Variants in DDR2 observed in about 807,000 individuals in gnomAD.
DDR2 encodes discoidin domain-containing receptor 2.
In DDR2, 27 loss-of-function variants were observed where a neutral mutation model predicts 94.9. The observed-to-expected ratio is 0.28, with a 90% CI of 0.21 to 0.39. DDR2 has a LOEUF of 0.39. DDR2 is among the 10% of genes least tolerant of loss of function. DDR2 has a pLI of 1.00. For missense variants in DDR2, 783 were observed against 1,076.0 expected, an observed-to-expected ratio of 0.73 and a Z score of 3.81; for synonymous variants, 382 against 377.2, an observed-to-expected ratio of 1.01 and a Z score of -0.15.
chr1:162,708,270 A>C (rs555023412), intron 2 of DDR2, among the ~76,000 whole-genome samples: 2 of 152,344 alleles, frequency 1.3e-5, no homozygotes, highest in African/African-American at 4.8e-5. Flanking sequence ...GTCTATTGGC[A>C]TCACACATGA....
chr1:162,644,018 G>GA (rs1406913794), intron 1 of DDR2, among the ~76,000 whole-genome samples: 1 of 152,108 alleles, frequency 6.6e-6, no homozygotes, highest in African/African-American at 2.4e-5. Flanking sequence ...TGATGCCTGT[G>GA]AAAACCCTGG....
intron 2 of DDR2, among the ~76,000 whole-genome samples, chr1:162,678,039 C>A (rs902285764): frequency 4.0e-5 from 6 of 151,840 alleles, no homozygotes; most frequent in Admixed American, 2.6e-4. Context: ...TTTGGTGAAA[C>A]CGAAAGTCAG....
Position 162,754,355 on chromosome 1 carries a change from T to G in DDR2, c.186-269T>G, listed in dbSNP as rs76245344. Among the ~76,000 whole-genome samples the G allele has an allele frequency of 9.6e-3, 1,455 of 152,298 alleles. 20 individuals carry two copies. Among genetic ancestry groups the G allele is most frequent in the African/African-American group, 0.033 (1,389 of 41,550 alleles). On this transcript the variant is annotated intron_variant, in intron 4 of 17. Coordinates refer to ENST00000367921, the MANE Select transcript of DDR2 (RefSeq NM_006182.4). The stretch of plus-strand genomic sequence containing the variant: ...GTAGGAAGAGTTTTATTTCTCTTTA[T>G]GCTTCTAAATCAGGATGGGAAGTGA...
intron 2 of DDR2, among the ~76,000 whole-genome samples, chr1:162,702,782 G>T (rs895245544): frequency 4.6e-5 from 7 of 152,140 alleles, no homozygotes; most frequent in Admixed American, 1.3e-4. Flanking sequence ...GAGAATATTT[G>T]GCTCATCCAA....
rs1558071485 is a variant in DDR2 at position 162,761,419 on chromosome 1, C to A, written c.1064C>A (p.Thr355Asn). 2 of 1,614,000 alleles carry A rather than the reference C, an allele frequency of 1.2e-6. No individual in the cohort carries two copies. Among genetic ancestry groups the A allele is most frequent in the African/African-American group, 1.3e-5 (1 of 74,902 alleles). Residue 355 changes from threonine to asparagine, a missense_variant, in exon 9 of 18, where the codon ACC (threonine) becomes AAC (asparagine). Physicochemically the swap from Thr to Asn is moderately conservative, Grantham distance 65. This residue lies in a region of DDR2 where 519 missense variants were observed against 647.9 expected (regional missense o/e 0.80). Transcript: ENST00000367921. ...AIKCQYHFAD[T>N]WMMFSEITFQ... ...AAGTGTCAATACCATTTTGCAGATACCTGGATGATGTTCAGTGAGATCACC... is the reference window on the plus strand; with the variant it reads ...AAGTGTCAATACCATTTTGCAGATAACTGGATGATGTTCAGTGAGATCACC...
At chr1:162,753,277 TG>T in intron 4 of DDR2, 80 bp downstream of exon 4, 1 of 1,294,484 alleles carries the variant, frequency 7.7e-7, no homozygotes. Context: ...CCCTAGGGGC[TG>T]GGGAAGGTGG....
chr1:162,667,591 A>T (rs142162732), intron 2 of DDR2, among the ~76,000 whole-genome samples: 1 of 152,322 alleles, frequency 6.6e-6, no homozygotes, highest in South Asian at 2.1e-4. Context: ...CATTTAAAGG[A>T]TATTATTTGG....
chr1:162,766,460 C>T (rs903627985), intron 10 of DDR2, among the ~76,000 whole-genome samples: 2 of 152,138 alleles, frequency 1.3e-5, no homozygotes, highest in Non-Finnish European at 2.9e-5. Context: ...TTGCTTTAGG[C>T]AGTCATTGGT....
intron 1 of DDR2, among the ~76,000 whole-genome samples, chr1:162,643,140 C>G (rs1490217838): frequency 1.3e-5 from 2 of 152,040 alleles, no homozygotes; most frequent in African/African-American, 4.8e-5. Flanking sequence ...GTTCACTTGC[C>G]TGTTTCATTT....
intron 1 of DDR2, among the ~76,000 whole-genome samples, chr1:162,642,280 T>C (rs533927757): frequency 2.8e-4 from 41 of 146,882 alleles, no homozygotes; most frequent in African/African-American, 1.0e-3. Flanking sequence ...TATCTATCTA[T>C]CTATTTTTTG....
Position 162,785,909 on chromosome 1 carries a change from A to T in DDR2, c.*5663A>T, listed in dbSNP as rs993809831. On this transcript the variant is annotated 3_prime_UTR_variant, in exon 18 of 18. Transcript: ENST00000367921. ...CTCCACAGGACACCGAATCAAAAGGAGAGACCAGACTCTGGCCTCATACCC... is the reference window on the plus strand; with the variant it reads ...CTCCACAGGACACCGAATCAAAAGGTGAGACCAGACTCTGGCCTCATACCC... The T allele has an allele frequency of 2.0e-5, 3 of 152,228 alleles. No individual in the cohort carries two copies. Among genetic ancestry groups the T allele is most frequent in the African/African-American group, 7.2e-5 (3 of 41,458 alleles). The allele number at this position is 152,228 out of a possible 1,614,324, so 9.4% of individuals were successfully genotyped here.
chr1:162,731,526 T>C (rs1250378581), intron 3 of DDR2, among the ~76,000 whole-genome samples: 2 of 152,202 alleles, frequency 1.3e-5, no homozygotes, highest in African/African-American at 2.4e-5. Context: ...TCTAAGTGCT[T>C]GACATAATTA....
chr1:162,747,412 C>T (rs1008982290), intron 3 of DDR2, among the ~76,000 whole-genome samples: 1 of 150,300 alleles, frequency 6.7e-6, no homozygotes, highest in Non-Finnish European at 1.5e-5. Context: ...AGTGGAAGTT[C>T]AAGTGAATGA....
rs772616496 is a variant in DDR2 at position 162,759,939 on chromosome 1, T to C, written c.815T>C (p.Met272Thr). The C allele has an allele frequency of 6.2e-6, 10 of 1,614,004 alleles. No individual in the cohort carries two copies. The highest frequency in any genetic ancestry group is 8.5e-6 in the Non-Finnish European group (10 of 1,180,008). ...GCCACCAATGGCTACATTGAGATCA[T>C]GTTTGAATTTGACCGCATCAGGAAT... is the stretch of plus-strand genomic sequence containing the variant. The part of the protein sequence containing the change: ...ESATNGYIEI[M>T]FEFDRIRNFT... Residue 272 changes from methionine to threonine, a missense_variant, in exon 8 of 18, where the codon ATG (methionine) becomes ACG (threonine). Met to Thr is a moderately conservative substitution (Grantham distance 81). This residue lies in a region of DDR2 where 519 missense variants were observed against 647.9 expected (regional missense o/e 0.80). Transcript: ENST00000367921.
intron 1 of DDR2, among the ~76,000 whole-genome samples, chr1:162,649,758 G>A (rs185772281): frequency 6.6e-6 from 1 of 152,284 alleles, no homozygotes; most frequent in East Asian, 1.9e-4. Flanking sequence ...TTTGTAGTGT[G>A]TTCTCAAGCT....
chr1:162,666,649 T>C (rs745324444), intron 2 of DDR2, among the ~76,000 whole-genome samples: 1 of 152,182 alleles, frequency 6.6e-6, no homozygotes, highest in Non-Finnish European at 1.5e-5. Context: ...ATCTGGCACA[T>C]GGTTGCAGCT....
intron 3 of DDR2, among the ~76,000 whole-genome samples, chr1:162,736,917 T>TG (rs1009969384): frequency 2.6e-5 from 4 of 152,130 alleles, no homozygotes; most frequent in Admixed American, 1.3e-4. Context: ...ATGGGGAAAG[T>TG]GGGGTAAGGA....
At chr1:162,731,385 A>C (rs1662039745) in intron 3 of DDR2, among the ~76,000 whole-genome samples, 1 of 152,062 alleles carries the variant, frequency 6.6e-6, no homozygotes, top group Non-Finnish European at 1.5e-5. Flanking sequence ...CCTTTATCCA[A>C]ATTTCTTCAC....
intron 2 of DDR2, among the ~76,000 whole-genome samples, chr1:162,708,695 G>C (rs1660763876): frequency 6.6e-6 from 1 of 152,196 alleles, no homozygotes. Flanking sequence ...ACTTTCCCCA[G>C]AGGCAGCATC....
Sources: gnomAD v4.1 joint callset for allele counts (sites outside exome capture counted in the v4.1 genomes callset) on GRCh38, gnomAD v4.1.1 for gene constraint, gnomAD v4.1.1 regional missense constraint, MANE v1.5 for transcripts, NCBI Gene and HGNC (gene_info 2026-07-23, HGNC 2026-07-21) for gene names.